Variants in LRRC63 observed in about 807,000 individuals in gnomAD.
LRRC63 encodes leucine rich repeat containing 63.
A neutral mutation model predicts 49.5 loss-of-function variants in LRRC63; 40 were observed. The ratio of observed to expected loss-of-function variants is 0.81; its 90% CI spans 0.63 to 1.05. The LOEUF (loss-of-function observed/expected upper bound fraction) is 1.05, where lower values mean the gene tolerates loss of function less well. LRRC63 is among the 50% of genes least tolerant of loss of function. The pLI is 0.00. For missense variants in LRRC63, 636 were observed against 663.1 expected (o/e 0.96, Z 0.45); for synonymous variants, 191 against 221.1 (o/e 0.86, Z 1.21).
intron 9 of LRRC63, among the ~76,000 whole-genome samples, chr13:46,268,904 T>G (rs1366634425): frequency 6.6e-6 from 1 of 152,116 alleles, no homozygotes; most frequent in Admixed American, 6.6e-5. Context: ...ATATAATTTT[T>G]AAAAGATACT....
At chr13:46,262,563 A>C (rs1033096611) in intron 8 of LRRC63, among the ~76,000 whole-genome samples, 5 of 152,180 alleles carry the variant, frequency 3.3e-5, no homozygotes, top group African/African-American at 1.2e-4. Context: ...TCACAGAGTT[A>C]GAATTTTAAT....
At chr13:46,240,536 T>A (rs1457418805) in intron 5 of LRRC63, among the ~76,000 whole-genome samples, 1 of 152,138 alleles carries the variant, frequency 6.6e-6, no homozygotes, top group African/African-American at 2.4e-5. Flanking sequence ...GAGAGGAAGC[T>A]AAACTATCCC....
chr13:46,241,645 A>G (rs573739682), intron 5 of LRRC63, among the ~76,000 whole-genome samples: 2 of 152,342 alleles, frequency 1.3e-5, no homozygotes, highest in South Asian at 4.1e-4. Context: ...AAACAACCCC[A>G]TTAAAAAGTG....
chr13:46,214,432 C>T (rs1451155696), intron 2 of LRRC63, among the ~76,000 whole-genome samples: 1 of 152,148 alleles, frequency 6.6e-6, no homozygotes, highest in African/African-American at 2.4e-5. Flanking sequence ...TGCAGATTTA[C>T]AGCTCAAGGT....
At chr13:46,244,212 A>C (rs566785394) in intron 5 of LRRC63, among the ~76,000 whole-genome samples, 26 of 152,222 alleles carry the variant, frequency 1.7e-4, no homozygotes, top group Non-Finnish European at 3.1e-4. Flanking sequence ...CAACAGGAGT[A>C]CAAAAGGTTG....
rs534539593 is a variant in LRRC63, at chr13:46,220,451, C to T, written c.86-7061C>T. Among the ~76,000 whole-genome samples, 9 of 152,252 alleles carry T rather than the reference C, an allele frequency of 5.9e-5. No individual in the cohort carries two copies. In the South Asian group the frequency reaches 1.9e-3, roughly 32 times the overall value. ...TAAGCCTCAGTGATGGCAGACGCCC[C>T]TCCCCCACCAAGCTTGTGTCCCAGG... On this transcript the variant is annotated intron_variant, in intron 2 of 9. Transcript: ENST00000595396.
intron 1 of LRRC63, among the ~76,000 whole-genome samples, chr13:46,212,523 ATTTG>A (rs1216057047): frequency 2.0e-5 from 3 of 152,304 alleles, no homozygotes; most frequent in African/African-American, 4.8e-5. Context: ...AAAGAAAACA[ATTTG>A]TTTGTGAATG....
chr13:46,253,861 A>C (rs980169242), intron 7 of LRRC63, among the ~76,000 whole-genome samples: 2 of 152,120 alleles, frequency 1.3e-5, no homozygotes, highest in Admixed American at 1.3e-4. Context: ...TAACATGTTG[A>C]TTTTAGATTT....
At chr13:46,276,656 T>G in exon 10 of LRRC63, 1 of 1,231,262 alleles carries the variant, frequency 8.1e-7, no homozygotes, top group African/African-American at 1.6e-5. Context: ...TCCGATCCTG[T>G]GATATTTTTG....
chr13:46,221,667 C>G (rs751548050), intron 2 of LRRC63, among the ~76,000 whole-genome samples: 5 of 152,096 alleles, frequency 3.3e-5, no homozygotes, highest in Non-Finnish European at 7.3e-5. Context: ...TTTGCTGTCT[C>G]TCAAGTGCCA....
intron 9 of LRRC63, among the ~76,000 whole-genome samples, chr13:46,273,373 G>A (rs1594103515): frequency 6.6e-6 from 1 of 152,128 alleles, no homozygotes; most frequent in East Asian, 1.9e-4. Flanking sequence ...GAAGGCTGAG[G>A]TGGCAGATCA....
chr13:46,249,007 A>G (rs1378992985), intron 6 of LRRC63, among the ~76,000 whole-genome samples: 1 of 151,932 alleles, frequency 6.6e-6, no homozygotes, highest in Non-Finnish European at 1.5e-5. Context: ...ATTCACAAAT[A>G]TATGGAAATT....
chr13:46,242,137 A>G lies in LRRC63; in HGVS notation c.991-4390A>G, dbSNP rs113804216. Among the ~76,000 whole-genome samples, 1,523 of 152,332 alleles carry G rather than the reference A, an allele frequency of 1.0e-2. 24 individuals are homozygous for G. Among genetic ancestry groups the G allele is most frequent in the African/African-American group, 0.034 (1,432 of 41,562 alleles). On this transcript the variant is annotated intron_variant, in intron 5 of 9. Transcript: ENST00000595396. ...CACCATAGAATACTATGCTGCCATT[A>G]AAAAGAACATGAGCATGTCTTTTGT...
exon 3 of LRRC63, chr13:46,227,523 A>G: frequency 3.4e-6 from 5 of 1,486,182 alleles, no homozygotes; most frequent in Non-Finnish European, 4.5e-6. Context: ...TAAAACTGGT[A>G]AAATTGAGTC....
intron 5 of LRRC63, among the ~76,000 whole-genome samples, chr13:46,240,747 A>G (rs2047038324): frequency 6.6e-6 from 1 of 152,198 alleles, no homozygotes; most frequent in African/African-American, 2.4e-5. Flanking sequence ...CACATAAAGA[A>G]TAAGATCTTT....
chr13:46,214,137 T>A (rs1459285476), intron 2 of LRRC63, among the ~76,000 whole-genome samples: 2 of 152,200 alleles, frequency 1.3e-5, no homozygotes, highest in African/African-American at 4.8e-5. Context: ...TATTTTCTCA[T>A]TTTCCCCTTC....
chr13:46,250,017 T>G (rs913557644), intron 6 of LRRC63: 13 of 161,144 alleles, frequency 8.1e-5, no homozygotes, highest in Non-Finnish European at 1.8e-4. Context: ...TTCTTCCTGG[T>G]TCTGCAGATA....
rs1465924372 is a variant in LRRC63, at chr13:46,220,423, A to G, written c.86-7089A>G. On this transcript the variant is annotated intron_variant, in intron 2 of 9. Transcript: ENST00000595396. ...ATACACTGTGCAGGGAAAACTGCCTACTTAAGCCTCAGTGATGGCAGACGC... is the reference window on the plus strand; with the variant it reads ...ATACACTGTGCAGGGAAAACTGCCTGCTTAAGCCTCAGTGATGGCAGACGC... Among the ~76,000 whole-genome samples, 9 of 152,134 alleles carry G rather than the reference A, an allele frequency of 5.9e-5. No homozygotes were observed. The East Asian group carries it at 1.4e-3, about 23-fold the overall frequency.
At chr13:46,242,574 G>A (rs181877942) in intron 5 of LRRC63, among the ~76,000 whole-genome samples, 4 of 152,148 alleles carry the variant, frequency 2.6e-5, no homozygotes, top group African/African-American at 7.2e-5. Flanking sequence ...GAAATTCAAA[G>A]GTCACCAATT....
Sources: allele counts gnomAD v4.1 joint callset (sites outside exome capture counted in the v4.1 genomes callset), GRCh38; gene constraint gnomAD v4.1.1; transcripts MANE v1.5; gene names NCBI Gene and HGNC (gene_info 2026-07-23, HGNC 2026-07-21).